NISCH: variants seen among roughly 807,000 people sequenced by gnomAD.
NISCH encodes I-1 receptor candidate protein.
A neutral mutation model predicts 138.4 loss-of-function variants in NISCH; 55 were observed. That is an observed-to-expected ratio of 0.40 (90% CI 0.32 to 0.50). The LOEUF (loss-of-function observed/expected upper bound fraction) is 0.50. Among genes scored for constraint, NISCH ranks in the 20% least tolerant of loss-of-function variants. NISCH has a pLI of 0.71. For missense variants in NISCH, 1,643 were observed against 2,005.5 expected, an observed-to-expected ratio of 0.82 and a Z score of 3.45; for synonymous variants, 860 against 861.5, an observed-to-expected ratio of 1.00 and a Z score of 0.03.
intron 7 of NISCH, chr3:52,476,184 A>G: frequency 2.3e-6 from 1 of 433,512 alleles, no homozygotes. Context: ...CACCAGGGCA[A>G]AGGCCCTTTG....
intron 7 of NISCH, among the ~76,000 whole-genome samples, chr3:52,474,552 T>G (rs369033904): frequency 6.6e-5 from 10 of 152,140 alleles, no homozygotes; most frequent in African/African-American, 2.4e-4. Flanking sequence ...CGCCTCGGCC[T>G]CCCAAAGTGC....
rs760078365 is a variant in NISCH, at chr3:52,478,301, C to T, written c.1173+19C>T. On this transcript the variant is annotated intron_variant, in intron 10 of 20. Coordinates refer to ENST00000345716, the MANE Select transcript of NISCH (RefSeq NM_007184.4). ...CGAACAGGTGAGCCCAAGGACCTCA[C>T]AGTTTTGGGATTTCTGTGCCTTGGT... 1.6e-5 allele frequency: 25 copies of T among 1,611,798 alleles called. No homozygotes were observed. The highest frequency in any genetic ancestry group is 2.2e-5 in the East Asian group (1 of 44,850).
intron 6 of NISCH, among the ~76,000 whole-genome samples, chr3:52,472,904 C>T (rs1023367012): frequency 6.6e-6 from 1 of 152,172 alleles, no homozygotes; most frequent in Non-Finnish European, 1.5e-5. Context: ...GTAATGAATA[C>T]AAAAAAAGTT....
At chr3:52,474,777 C>T (rs1220705859) in intron 7 of NISCH, among the ~76,000 whole-genome samples, 2 of 152,120 alleles carry the variant, frequency 1.3e-5, no homozygotes, top group Non-Finnish European at 2.9e-5. Flanking sequence ...TGGCAAGTGG[C>T]GGGACCTTTA....
intron 6 of NISCH, 31 bp downstream of exon 6, chr3:52,472,429 G>A (rs1205428764): frequency 1.1e-5 from 17 of 1,556,914 alleles, no homozygotes; most frequent in East Asian, 2.2e-5. Context: ...GCATCCTCTC[G>A]CTCCCAACTC....
chr3:52,458,698 C>T lies in NISCH; in HGVS notation c.214C>T (p.Pro72Ser). 1.9e-6 allele frequency: 3 copies of T among 1,613,596 alleles called. No individual in the cohort carries two copies. The highest frequency in any genetic ancestry group is 2.5e-6 in the Non-Finnish European group (3 of 1,179,904). Residue 72 changes from proline (P) to serine (S), a missense_variant, in exon 3 of 21, where the codon CCG becomes TCG. Pro to Ser is a moderately conservative substitution (Grantham distance 74). Coordinates refer to ENST00000345716, the MANE Select transcript of NISCH (RefSeq NM_007184.4). ...AERKIDKNLL[P>S]PKKIIGKNSR... ...GAGAAAGATTGATAAAAATCTGCTT[C>T]CGCCCAAAAAGATAATTGGGAAAAA...
At chr3:52,485,876 GCA>G in intron 15 of NISCH, 49 bp downstream of exon 15, 8 of 1,537,374 alleles carry the variant, frequency 5.2e-6, no homozygotes, top group Non-Finnish European at 7.1e-6. Context: ...ACAGCCTTAT[GCA>G]CACACACTGC....
Position 52,489,398 on chromosome 3 carries a change from C to T in NISCH, c.3176C>T (p.Pro1059Leu), listed in dbSNP as rs199584023. The T allele has an allele frequency of 3.1e-5, 50 of 1,609,526 alleles. No homozygotes were observed. Among genetic ancestry groups the T allele is most frequent in the Admixed American group, 1.0e-4 (6 of 59,972 alleles). The part of the protein sequence containing the change: ...EALAPAPAEV[P>L]APAPAAASAS... ...CTGGCCCCGGCCCCAGCGGAAGTCC[C>T]AGCTCCAGCCCCTGCAGCAGCCTCA... The change falls in exon 17 of 21, where the codon CCA (proline) becomes CTA (leucine). Residue 1059 changes from proline (P) to leucine (L), a missense_variant. By Grantham distance (98) the Pro-to-Leu change is moderately conservative. Transcript: ENST00000345716.
intron 3 of NISCH, among the ~76,000 whole-genome samples, chr3:52,463,997 G>C (rs1367627155): frequency 7.9e-5 from 12 of 151,660 alleles, no homozygotes; most frequent in Admixed American, 7.2e-4. Flanking sequence ...AAAGTGCTGA[G>C]ATTACAGGTG....
chr3:52,490,207 C>T lies in NISCH; in HGVS notation c.3589C>T (p.Arg1197Cys), dbSNP rs778657358. 31 of 1,612,970 alleles carry T rather than the reference C, an allele frequency of 1.9e-5. No homozygotes were observed. The highest frequency in any genetic ancestry group is 2.2e-5 in the East Asian group (1 of 44,900). ...VYFVLHDGLR[R>C]YFSEPLQDFW... ...CTTTGTGCTCCACGACGGCCTCCGC[C>T]GCTACTTCTCAGAGCCACTGCAGGG... Residue 1197 changes from arginine (R) to cysteine (C), a missense_variant, in exon 18 of 21, where the codon CGC becomes TGC. Transcript: ENST00000345716.
intron 3 of NISCH, among the ~76,000 whole-genome samples, chr3:52,459,858 A>C (rs1047339481): frequency 2.0e-5 from 3 of 152,060 alleles, no homozygotes; most frequent in Non-Finnish European, 4.4e-5. Context: ...TAGTAAGGAC[A>C]ACCCTAAAGT....
intron 15 of NISCH, among the ~76,000 whole-genome samples, 165 bp downstream of exon 15, chr3:52,485,992 A>C (rs1361211939): frequency 6.6e-6 from 1 of 152,206 alleles, no homozygotes; most frequent in African/African-American, 2.4e-5. Context: ...TGGACTTTTC[A>C]ATCTGTTTCC....
chr3:52,489,114 C>T (rs1707491939), intron 16 of NISCH, among the ~76,000 whole-genome samples: 3 of 152,182 alleles, frequency 2.0e-5, no homozygotes, highest in Admixed American at 2.0e-4. Flanking sequence ...ACTTTGGGCT[C>T]AAACAATCCT....
At position 52,490,740 on chromosome 3, in the gene NISCH, A is replaced by G; in HGVS notation, c.3649A>G (p.Ser1217Gly). Residue 1217 changes from serine to glycine, a missense_variant, in exon 19 of 21, where the codon AGC (serine) becomes GGC (glycine). Ser to Gly is a moderately conservative substitution (Grantham distance 56). Coordinates refer to ENST00000345716, the MANE Select transcript of NISCH (RefSeq NM_007184.4). ...WHQKNTDYNN[S>G]PFHISQCFVL... ...TCAGAAAAACACCGACTACAACAAC[A>G]GCCCTTTCCACATCTCCCAGTGCTT... The G allele has an allele frequency of 1.9e-6, 3 of 1,614,168 alleles. No individual in the cohort carries two copies. The highest frequency in any genetic ancestry group is 1.1e-5 in the South Asian group (1 of 91,082).
chr3:52,475,413 A>G (rs1707073117), intron 7 of NISCH, among the ~76,000 whole-genome samples: 2 of 152,120 alleles, frequency 1.3e-5, no homozygotes, highest in Non-Finnish European at 2.9e-5. Flanking sequence ...TTATCTTAGC[A>G]TTGTCTGACT....
chr3:52,486,272 C>T (rs763266170), intron 15 of NISCH, among the ~76,000 whole-genome samples: 4 of 152,138 alleles, frequency 2.6e-5, no homozygotes, highest in African/African-American at 4.8e-5. Flanking sequence ...CACGCCACCA[C>T]GCCCAACTAA....
intron 13 of NISCH, among the ~76,000 whole-genome samples, chr3:52,484,022 C>T (rs1378727889): frequency 6.6e-6 from 1 of 152,240 alleles, no homozygotes; most frequent in African/African-American, 2.4e-5. Context: ...GCATTCTTTT[C>T]ATGTTCTATC....
Position 52,491,454 on chromosome 3 carries a change from C to T in NISCH, c.3845C>T (p.Thr1282Met), listed in dbSNP as rs745388331. The stretch of plus-strand genomic sequence containing the variant: ...GTCGTGCTGTCCTCTCTGGAACGCA[C>T]GCCCTCGCCGGAGCCTGTTGACAAG... ...LMVVLSSLER[T>M]PSPEPVDKDF... Residue 1282 changes from threonine to methionine, a missense_variant, in exon 20 of 21, where the codon ACG (threonine) becomes ATG (methionine). Coordinates refer to ENST00000345716, the MANE Select transcript of NISCH (RefSeq NM_007184.4). 1.6e-5 allele frequency: 26 copies of T among 1,613,318 alleles called. No homozygotes were observed. The highest frequency in any genetic ancestry group is 8.9e-5 in the East Asian group (4 of 44,896).
chr3:52,468,092 C>T (rs1466622767), intron 3 of NISCH, among the ~76,000 whole-genome samples: 5 of 151,846 alleles, frequency 3.3e-5, no homozygotes, highest in Admixed American at 6.6e-5. Context: ...AAACCCATCT[C>T]TACTAAAAAT....
Sources: gnomAD v4.1 joint callset for allele counts (sites outside exome capture counted in the v4.1 genomes callset) on GRCh38, gnomAD v4.1.1 for gene constraint, MANE v1.5 for transcripts, NCBI Gene and HGNC (gene_info 2026-07-23, HGNC 2026-07-21) for gene names.